Variants in NHS observed in about 807,000 individuals in gnomAD.
The protein encoded by NHS is NHS actin remodeling regulator, also known as actin remodeling regulator NHS.
Under a neutral mutation model 72.5 loss-of-function variants are expected in NHS, and 5 were observed. That is an observed-to-expected ratio of 0.07 (90% CI 0.04 to 0.14). The LOEUF (loss-of-function observed/expected upper bound fraction) is 0.14. Among genes scored for constraint, NHS ranks in the 10% least tolerant of loss-of-function variants. The pLI is 1.00. For missense variants in NHS, 1,072 were observed against 1,355.7 expected (o/e 0.79, Z 3.29); for synonymous variants, 464 against 547.7 (o/e 0.85, Z 2.13).
chrX:17,551,558 T>G (rs1455857039), intron 1 of NHS, among the ~76,000 whole-genome samples: 1 of 112,194 alleles, frequency 8.9e-6, no homozygotes, highest in African/African-American at 3.2e-5. Flanking sequence ...ATGGCCTGTT[T>G]CCATGGCATC....
At chrX:17,545,452 C>T (rs951364547) in intron 1 of NHS, among the ~76,000 whole-genome samples, 9 of 111,582 alleles carry the variant, frequency 8.1e-5, no homozygotes, top group African/African-American at 1.6e-4. Flanking sequence ...GGAATCTTAC[C>T]GGTAGGAGAT....
At chrX:17,485,821 G>A (rs2064965226) in intron 1 of NHS, among the ~76,000 whole-genome samples, 1 of 111,772 alleles carries the variant, frequency 8.9e-6, no homozygotes, top group Non-Finnish European at 1.9e-5. Context: ...TTTGGATTCT[G>A]AACATCAGTG....
At chrX:17,716,511 G>T (rs1415605951) in intron 3 of NHS, among the ~76,000 whole-genome samples, 1 of 110,881 alleles carries the variant, frequency 9.0e-6, no homozygotes, top group Non-Finnish European at 1.9e-5. Context: ...TCTTACTTGA[G>T]ACTTCCACAT....
At chrX:17,631,300 A>G (rs758135032) in intron 1 of NHS, among the ~76,000 whole-genome samples, 2 of 112,222 alleles carry the variant, frequency 1.8e-5, no homozygotes, top group Admixed American at 1.9e-4. Context: ...CCAAAAAGGG[A>G]TATTTGACCA....
chrX:17,452,229 G>A (rs2064808444), intron 1 of NHS, among the ~76,000 whole-genome samples: 1 of 111,847 alleles, frequency 8.9e-6, no homozygotes, highest in African/African-American at 3.3e-5. Context: ...ACCCAATCTA[G>A]AGGATATATG....
At chrX:17,386,049 C>A (rs998071266) in intron 1 of NHS, among the ~76,000 whole-genome samples, 1 of 111,957 alleles carries the variant, frequency 8.9e-6, no homozygotes, top group Middle Eastern at 4.6e-3. Context: ...CCTGCCCCAA[C>A]TGTATTGCTG....
At chrX:17,473,536 C>T (rs1329736970) in intron 1 of NHS, among the ~76,000 whole-genome samples, 5 of 111,862 alleles carry the variant, frequency 4.5e-5, no homozygotes, top group Admixed American at 1.9e-4. Context: ...GTGTTTGATT[C>T]AGTTATTGGA....
intron 1 of NHS, among the ~76,000 whole-genome samples, chrX:17,608,102 A>T (rs1394690410): frequency 1.8e-5 from 2 of 108,864 alleles, no homozygotes; most frequent in Admixed American, 9.9e-5. Context: ...TTTAGTAGAG[A>T]TGGAGTCTCA....
At chrX:17,603,700 C>A (rs767008869) in intron 1 of NHS, among the ~76,000 whole-genome samples, 1 of 111,896 alleles carries the variant, frequency 8.9e-6, no homozygotes, top group Non-Finnish European at 1.9e-5. Flanking sequence ...GACTTCACAC[C>A]GTGGCTCAAC....
At chrX:17,650,477 A>T (rs1347159899) in intron 1 of NHS, among the ~76,000 whole-genome samples, 1 of 112,304 alleles carries the variant, frequency 8.9e-6, no homozygotes, top group Non-Finnish European at 1.9e-5. Context: ...TTCAGTAAAG[A>T]AGTAAAATCA....
chrX:17,518,504 C>T (rs772052875), intron 1 of NHS, among the ~76,000 whole-genome samples: 1 of 111,623 alleles, frequency 9.0e-6, no homozygotes, highest in Admixed American at 9.5e-5. Context: ...TCACTTTTGC[C>T]CTGAACACAC....
chrX:17,699,045 G>A (rs1380261992), intron 3 of NHS, among the ~76,000 whole-genome samples: 1 of 111,603 alleles, frequency 9.0e-6, no homozygotes, highest in African/African-American at 3.3e-5. Flanking sequence ...ACTTATATGA[G>A]AAAAACTTTA....
intron 1 of NHS, among the ~76,000 whole-genome samples, chrX:17,481,109 C>T (rs1237219993): frequency 8.9e-6 from 1 of 111,788 alleles, no homozygotes; most frequent in African/African-American, 3.3e-5. Context: ...GTGTTATGAA[C>T]GACCTTCTTG....
At chrX:17,657,463 C>G (rs1454633507) in intron 1 of NHS, among the ~76,000 whole-genome samples, 1 of 112,535 alleles carries the variant, frequency 8.9e-6, no homozygotes, top group South Asian at 3.7e-4. Context: ...GGCTTGACCC[C>G]GCTATTAGAG....
chrX:17,544,393 C>A (rs1307258105), intron 1 of NHS, among the ~76,000 whole-genome samples: 2 of 112,356 alleles, frequency 1.8e-5, no homozygotes, highest in Non-Finnish European at 3.8e-5. Flanking sequence ...CAACATTTGA[C>A]ATTGATTTGT....
chrX:17,640,606 T>C (rs1296760494), intron 1 of NHS, among the ~76,000 whole-genome samples: 1 of 111,931 alleles, frequency 8.9e-6, no homozygotes, highest in African/African-American at 3.2e-5. Flanking sequence ...TGCAATTGAG[T>C]GAGGAGGAAG....
chrX:17,637,869 C>T (rs993529383), intron 1 of NHS, among the ~76,000 whole-genome samples: 2 of 111,884 alleles, frequency 1.8e-5, no homozygotes, highest in African/African-American at 3.2e-5. Flanking sequence ...CTTTCCTTCT[C>T]GACCCCTGCC....
chrX:17,723,908 G>A (rs888599996), intron 5 of NHS, among the ~76,000 whole-genome samples: 14 of 111,436 alleles, frequency 1.3e-4, no homozygotes, highest in African/African-American at 4.6e-4. Context: ...TATCATCCTG[G>A]CTGCTGATTT....
intron 1 of NHS, among the ~76,000 whole-genome samples, chrX:17,536,408 C>G (rs888191286): frequency 1.8e-5 from 2 of 112,530 alleles, no homozygotes; most frequent in Admixed American, 1.9e-4. Context: ...TGCATTCGGA[C>G]CTATGTGTGT....
Sources: allele counts gnomAD v4.1 joint callset (sites outside exome capture counted in the v4.1 genomes callset), GRCh38; gene constraint gnomAD v4.1.1; transcripts MANE v1.5; gene names NCBI Gene and HGNC (gene_info 2026-07-23, HGNC 2026-07-21).